The following FAM89A variants were observed in gnomAD, a reference collection of about 807,000 sequenced individuals.
FAM89A encodes the protein protein FAM89A.
FAM89A carries 10 observed loss-of-function variants against 7.1 expected under a neutral mutation model. The ratio of observed to expected loss-of-function variants is 1.40; its 90% confidence interval spans 0.86 to 2.38. FAM89A has a LOEUF of 2.38. FAM89A is among the 30% of genes most tolerant of loss of function. FAM89A has a pLI of 0.00. For synonymous variants in FAM89A, 157 were observed against 129.3 expected (o/e 1.21, Z -1.45); for missense variants, 276 against 262.8 (o/e 1.05, Z -0.35).
chr1:231,035,024 G>A (rs894038810), intron 1 of FAM89A, among the ~76,000 whole-genome samples: 1 of 152,152 alleles, frequency 6.6e-6, no homozygotes, highest in East Asian at 1.9e-4. Context: ...CACTAGGAGC[G>A]AATCCCCTTA....
rs376500330 is a variant in FAM89A, at chr1:231,033,187, C to T, written c.291+6734G>A. Among the ~76,000 whole-genome samples the T allele has an allele frequency of 4.6e-5, 7 of 152,282 alleles. No individual in the cohort carries two copies. In the East Asian group the frequency reaches 1.2e-3, roughly 25 times the overall value. On this transcript the variant is annotated intron_variant, in intron 1 of 1. Transcript: ENST00000366654. ...TCATCACTTCCAAACATTAGGAACACGTGGGCAAAGGCCAAGGCGGCCAGG... is the reference window on the plus strand; with the variant it reads ...TCATCACTTCCAAACATTAGGAACATGTGGGCAAAGGCCAAGGCGGCCAGG...
chr1:231,032,938 A>T (rs1376029378), intron 1 of FAM89A, among the ~76,000 whole-genome samples: 1 of 152,194 alleles, frequency 6.6e-6, no homozygotes, highest in East Asian at 1.9e-4. Flanking sequence ...ACACCTGCAA[A>T]ACTAGGCCAG....
rs1200727475 is a variant in FAM89A at position 231,019,622 on chromosome 1, A to G, written c.*241T>C. ...CCCCAGCAGGTGCACCTCAATAAAT[A>G]GGTGTGGAGGATACTGCTGAGGACC... On this transcript the variant is annotated 3_prime_UTR_variant, in exon 2 of 2. Coordinates refer to ENST00000366654, the MANE Select transcript of FAM89A (RefSeq NM_198552.3). 1 of 470,908 alleles carries G rather than the reference A, an allele frequency of 2.1e-6. No individual in the cohort carries two copies. The highest frequency in any genetic ancestry group is 3.4e-5 in the East Asian group (1 of 29,034). The allele number at this position is 470,908 out of a possible 1,614,324, so 29.2% of individuals were successfully genotyped here.
At chr1:231,021,727 G>A (rs754816462) in intron 1 of FAM89A, 19 of 1,599,708 alleles carry the variant, frequency 1.2e-5, no homozygotes, top group Non-Finnish European at 1.6e-5. Flanking sequence ...TAGAACTCGT[G>A]GAAACTGCTG....
chr1:231,039,871 G>C, intron 1 of FAM89A, 50 bp downstream of exon 1: 1 of 1,274,728 alleles, frequency 7.8e-7, no homozygotes, highest in Non-Finnish European at 9.9e-7. Flanking sequence ...AACTTTCCCG[G>C]GACGGCGAGC....
In FAM89A at chr1:231,021,749, G is replaced by T. The variant is rs1209603928; in HGVS notation, c.292-1623C>A. ...CGTGGAAACTGCTGGAGATGAAATT[G>T]TTGACCTCACTTGTGAATCTTTAGA... is the stretch of plus-strand genomic sequence containing the variant. On this transcript the variant is annotated intron_variant, in intron 1 of 1. Transcript: ENST00000366654. The T allele has an allele frequency of 1.9e-6, 3 of 1,602,182 alleles. No individual in the cohort carries two copies. The African/African-American group carries it at 4.0e-5, about 21-fold the overall frequency.
At chr1:231,032,893 G>A (rs538550255) in intron 1 of FAM89A, among the ~76,000 whole-genome samples, 2 of 152,268 alleles carry the variant, frequency 1.3e-5, no homozygotes, top group South Asian at 4.1e-4. Context: ...CAAAGATGGT[G>A]CCTCCCTCCC....
At chr1:231,026,814 T>C (rs1241909598) in intron 1 of FAM89A, 1 of 152,062 alleles carries the variant, frequency 6.6e-6, no homozygotes, top group East Asian at 1.9e-4. Context: ...CGTCCCTATC[T>C]TTGCTAGGAT....
In FAM89A at chr1:231,021,256, T is replaced by C. The variant is rs572119935; in HGVS notation, c.292-1130A>G. Among the ~76,000 whole-genome samples, 18 of 152,374 alleles carry C rather than the reference T, an allele frequency of 1.2e-4. No individual in the cohort carries two copies. The East Asian group carries it at 3.5e-3, about 29-fold the overall frequency. On this transcript the variant is annotated intron_variant, in intron 1 of 1. Transcript: ENST00000366654. The stretch of plus-strand genomic sequence containing the variant: ...ACCTTCATCTCCGTGCCTTGGTTGA[T>C]GGCAAAATGGAACAATAATTTCTCT...
chr1:231,021,024 A>C (rs542763005), intron 1 of FAM89A, among the ~76,000 whole-genome samples: 59 of 152,214 alleles, frequency 3.9e-4, no homozygotes, highest in African/African-American at 1.4e-3. Flanking sequence ...AGTGCATGAG[A>C]ACCACCCGGG....
chr1:231,029,096 G>GCTTT (rs1680025068), intron 1 of FAM89A, among the ~76,000 whole-genome samples: 1 of 152,108 alleles, frequency 6.6e-6, no homozygotes, highest in Non-Finnish European at 1.5e-5. Flanking sequence ...ATGACCACTA[G>GCTTT]GAAACAAGGC....
chr1:231,021,988 C>G, intron 1 of FAM89A: 1 of 1,334,000 alleles, frequency 7.5e-7, no homozygotes, highest in Non-Finnish European at 1.1e-6. Flanking sequence ...GCCTCAGGCC[C>G]TCGGGTACTG....
chr1:231,040,189 GGCGCCGCCCGGGCCCCACTCATC>G lies in FAM89A; in HGVS notation c.-1_22del. 1.8e-6 allele frequency: 2 copies of G among 1,111,062 alleles called. No individual in the cohort carries two copies. The highest frequency in any genetic ancestry group is 1.1e-6 in the Non-Finnish European group (1 of 914,062). The allele number at this position is 1,111,062 out of a possible 1,614,324, so 68.8% of individuals were successfully genotyped here. On this transcript the variant is annotated start_lost and 5_prime_UTR_variant, in exon 1 of 2. Transcript: ENST00000366654. ...GACCGCGCCGTTGCCCGCGGCCCCG[GGCGCCGCCCGGGCCCCACTCATC>G]GCGCCGCGGCCCGGCCACGCGCCTG...
At chr1:231,030,245 C>A (rs11122194) in intron 1 of FAM89A, among the ~76,000 whole-genome samples, 1 of 152,114 alleles carries the variant, frequency 6.6e-6, no homozygotes, top group Non-Finnish European at 1.5e-5. Flanking sequence ...GACTCTAAAG[C>A]GCCATCAGGA....
At chr1:231,020,171 T>C in intron 1 of FAM89A, 45 bp from the exon 2 acceptor site, 4 of 1,544,190 alleles carry the variant, frequency 2.6e-6, no homozygotes, top group South Asian at 1.2e-5. Context: ...AGTCAGCACT[T>C]GAGTTTAATT....
At chr1:231,037,692 C>T (rs1680181251) in intron 1 of FAM89A, among the ~76,000 whole-genome samples, 2 of 152,164 alleles carry the variant, frequency 1.3e-5, no homozygotes, top group Admixed American at 1.3e-4. Flanking sequence ...GGTCCACCTG[C>T]CCAGGCCCTT....
chr1:231,038,778 C>T (rs905917106), intron 1 of FAM89A, among the ~76,000 whole-genome samples: 3 of 146,760 alleles, frequency 2.0e-5, no homozygotes, highest in African/African-American at 7.9e-5. Flanking sequence ...AGATAATGCT[C>T]CTGAAAAAAA....
At chr1:231,037,985 T>A (rs1303251004) in intron 1 of FAM89A, among the ~76,000 whole-genome samples, 1 of 152,212 alleles carries the variant, frequency 6.6e-6, no homozygotes, top group Non-Finnish European at 1.5e-5. Context: ...TTTGCAGATA[T>A]CTCAGGAATG....
At chr1:231,031,807 ATTCTT>A (rs1436424923) in intron 1 of FAM89A, among the ~76,000 whole-genome samples, 1 of 152,140 alleles carries the variant, frequency 6.6e-6, no homozygotes, top group Non-Finnish European at 1.5e-5. Context: ...TAGTTACCAT[ATTCTT>A]TTCAACAATT....
Sources: gnomAD v4.1 joint callset for allele counts (sites outside exome capture counted in the v4.1 genomes callset) on GRCh38, gnomAD v4.1.1 for gene constraint, MANE v1.5 for transcripts, NCBI Gene and HGNC (gene_info 2026-07-23, HGNC 2026-07-21) for gene names.